Variants in ZNF451 observed in about 807,000 individuals in gnomAD.
ZNF451 encodes zinc finger protein 451, also known as E3 SUMO-protein ligase ZNF451.
Under a neutral mutation model 107.1 loss-of-function variants are expected in ZNF451, and 80 were observed. The ratio of observed to expected loss-of-function variants is 0.75; its 90% CI spans 0.62 to 0.90. The LOEUF (loss-of-function observed/expected upper bound fraction) is 0.90. Ranked by LOEUF, ZNF451 falls within the 40% of genes least tolerant of loss-of-function variation. The pLI is 0.00. For synonymous variants in ZNF451, 362 were observed against 406.5 expected, an observed-to-expected ratio of 0.89 and a Z score of 1.32; for missense variants, 1,107 against 1,236.2, an observed-to-expected ratio of 0.90 and a Z score of 1.57.
intron 5 of ZNF451, among the ~76,000 whole-genome samples, chr6:57,129,797 C>A (rs911871761): frequency 9.2e-5 from 14 of 152,082 alleles, no homozygotes; most frequent in Non-Finnish European, 1.5e-4. Flanking sequence ...CTCCTGCCCC[C>A]AAAAACCTTT....
intron 13 of ZNF451, chr6:57,158,648 G>A: frequency 1.0e-6 from 1 of 985,308 alleles, no homozygotes. Context: ...TCACTTAATC[G>A]ATATAAATGT....
At chr6:57,163,918 T>A (rs894775842) in intron 14 of ZNF451, among the ~76,000 whole-genome samples, 2 of 152,180 alleles carry the variant, frequency 1.3e-5, no homozygotes, top group Non-Finnish European at 2.9e-5. Flanking sequence ...CTAGACCTGA[T>A]AACAAAACTC....
intron 7 of ZNF451, among the ~76,000 whole-genome samples, chr6:57,135,365 CT>C (rs1831379383): frequency 6.6e-6 from 1 of 152,042 alleles, no homozygotes; most frequent in Non-Finnish European, 1.5e-5. Flanking sequence ...TAATACAGAA[CT>C]CTAATGGGTT....
chr6:57,111,531 C>T (rs968055773), intron 3 of ZNF451, among the ~76,000 whole-genome samples: 2 of 152,070 alleles, frequency 1.3e-5, no homozygotes, highest in African/African-American at 4.8e-5. Flanking sequence ...CAGGCACCTG[C>T]CACCATGCTC....
intron 4 of ZNF451, among the ~76,000 whole-genome samples, chr6:57,127,290 C>T (rs963631809): frequency 3.3e-5 from 5 of 152,066 alleles, no homozygotes; most frequent in Admixed American, 6.6e-5. Flanking sequence ...ATGAAAGTAA[C>T]GTTTTAAATT....
chr6:57,155,254 G>A lies in ZNF451; in HGVS notation c.3070+1207G>A, dbSNP rs1409835546. Reference sequence around the variant, plus strand: ...TAATCCCAGCACTTTGGGAGGCTGAGGTGGGTGGATCACCTGAGGTCAGAA... The same window carrying A: ...TAATCCCAGCACTTTGGGAGGCTGAAGTGGGTGGATCACCTGAGGTCAGAA... On this transcript the variant is annotated intron_variant, in intron 13 of 14. Coordinates refer to ENST00000370706, the MANE Select transcript of ZNF451 (RefSeq NM_001031623.3). Among the ~76,000 whole-genome samples, 3 of 152,112 alleles carry A rather than the reference G, an allele frequency of 2.0e-5. No individual in the cohort carries two copies. The East Asian group carries it at 5.8e-4, about 29-fold the overall frequency.
intron 7 of ZNF451, among the ~76,000 whole-genome samples, chr6:57,138,723 ATATATATATATATATATATGTG>A (rs907298256): frequency 8.5e-6 from 1 of 117,042 alleles, no homozygotes; most frequent in African/African-American, 3.2e-5. Context: ...ATATATATAT[ATATATATATATATATATATGTG>A]TGTGTGTGTG....
intron 3 of ZNF451, chr6:57,102,746 A>C (rs978791938): frequency 5.0e-5 from 49 of 985,376 alleles, no homozygotes; most frequent in Admixed American, 1.2e-4. Flanking sequence ...TGGAATGGCT[A>C]GATGTCGCAG....
intron 12 of ZNF451, 90 bp downstream of exon 12, chr6:57,152,441 C>A: frequency 6.9e-7 from 1 of 1,447,008 alleles, no homozygotes; most frequent in Non-Finnish European, 9.6e-7. Context: ...ACTTATAGAT[C>A]ATTCTTCAGT....
intron 3 of ZNF451, chr6:57,101,050 C>A: frequency 1.3e-6 from 2 of 1,550,470 alleles, no homozygotes; most frequent in Non-Finnish European, 1.7e-6. Flanking sequence ...TCATTCTAGG[C>A]CAAGTGAGAA....
In ZNF451 at chr6:57,145,334, G is replaced by C. The variant is rs1832009993; in HGVS notation, c.1005-1756G>C. 2.6e-5 allele frequency among the ~76,000 whole-genome samples: 4 copies of C among 152,250 alleles called. No homozygotes were observed. In the South Asian group the frequency reaches 8.3e-4, roughly 32 times the overall value. Reference sequence around the variant, plus strand: ...TTTCTTATAGATTCAGGGGGTACGAGTGCAGTTTTGTTACATGGGTATATT... The same window carrying C: ...TTTCTTATAGATTCAGGGGGTACGACTGCAGTTTTGTTACATGGGTATATT... On this transcript the variant is annotated intron_variant, in intron 9 of 14. Coordinates refer to ENST00000370706, the MANE Select transcript of ZNF451 (RefSeq NM_001031623.3).
At chr6:57,119,191 A>G (rs9475781) in intron 3 of ZNF451, among the ~76,000 whole-genome samples, 17,853 of 152,214 alleles carry the variant, frequency 0.12, 1,282 homozygotes, top group African/African-American at 0.19. Context: ...TGATTTGCCC[A>G]AAGAGTGATA....
chr6:57,124,350 A>G (rs1339057558), intron 3 of ZNF451: 3 of 701,676 alleles, frequency 4.3e-6, no homozygotes, highest in African/African-American at 1.8e-5. Flanking sequence ...TTAGTTTCCT[A>G]TGGAGGTTCC....
intron 3 of ZNF451, chr6:57,104,269 A>G: frequency 1.0e-6 from 1 of 985,368 alleles, no homozygotes; most frequent in Non-Finnish European, 1.2e-6. Flanking sequence ...CAATCAAGCA[A>G]TCCCATGTGC....
At position 57,123,425 on chromosome 6, in the gene ZNF451, C is replaced by T. The variant is rs140758930; in HGVS notation, c.187-1309C>T. 9.7e-3 allele frequency among the ~76,000 whole-genome samples: 1,471 copies of T among 152,262 alleles called. 9 individuals carry two copies. The highest frequency in any genetic ancestry group is 0.017 in the Non-Finnish European group (1,148 of 68,022). On this transcript the variant is annotated intron_variant, in intron 3 of 14. Coordinates refer to ENST00000370706, the MANE Select transcript of ZNF451 (RefSeq NM_001031623.3). ...AATGCAGAAACAGAAAAACGAGTAC[C>T]ATATGTTCTCATTTATAAGTGGGAG...
At chr6:57,143,001 T>C (rs2127975573) in intron 9 of ZNF451, among the ~76,000 whole-genome samples, 1 of 152,266 alleles carries the variant, frequency 6.6e-6, no homozygotes, top group South Asian at 2.1e-4. Flanking sequence ...TTCAAGTCTT[T>C]TGCCAGTCTT....
intron 3 of ZNF451, chr6:57,109,545 G>C: frequency 1.0e-6 from 1 of 985,262 alleles, no homozygotes; most frequent in Non-Finnish European, 1.2e-6. Flanking sequence ...ATTCATATTG[G>C]ATATGGTATT....
intron 3 of ZNF451, among the ~76,000 whole-genome samples, chr6:57,110,986 A>G (rs1167583537): frequency 6.7e-6 from 1 of 148,314 alleles, no homozygotes; most frequent in African/African-American, 2.5e-5. Context: ...GTGGGGTCAT[A>G]TCGGCTAACT....
At position 57,155,215 on chromosome 6, in the gene ZNF451, G is replaced by A. The variant is rs574342900; in HGVS notation, c.3070+1168G>A. Among the ~76,000 whole-genome samples, 21 of 152,294 alleles carry A rather than the reference G, an allele frequency of 1.4e-4. No homozygotes were observed. The South Asian group carries it at 4.3e-3, about 32-fold the overall frequency. ...AAACAAAAAAAACAGGCTGGGTGCA[G>A]TGGCTCACACCTGTAATCCCAGCAC... is the stretch of plus-strand genomic sequence containing the variant. On this transcript the variant is annotated intron_variant, in intron 13 of 14. Transcript: ENST00000370706.
Sources: allele counts gnomAD v4.1 joint callset (sites outside exome capture counted in the v4.1 genomes callset), GRCh38; gene constraint gnomAD v4.1.1; transcripts MANE v1.5; gene names NCBI Gene and HGNC (gene_info 2026-07-23, HGNC 2026-07-21).